JMJD1C: variants seen among roughly 807,000 people sequenced by gnomAD.
JMJD1C encodes jumonji domain containing 1C.
JMJD1C carries 31 observed loss-of-function variants against 245.3 expected under a neutral mutation model. That is an observed-to-expected ratio of 0.13 (90% CI 0.09 to 0.17). The LOEUF is 0.17. Among genes scored for constraint, JMJD1C ranks in the 10% least tolerant of loss-of-function variants. JMJD1C has a pLI of 1.00. For missense variants in JMJD1C, 2,691 were observed against 3,000.2 expected (o/e 0.90, Z 2.41); for synonymous variants, 1,057 against 1,017.4 (o/e 1.04, Z -0.74).
At chr10:63,336,436 C>A (rs768131969) in intron 2 of JMJD1C, among the ~76,000 whole-genome samples, 5 of 151,964 alleles carry the variant, frequency 3.3e-5, no homozygotes, top group East Asian at 1.9e-4. Context: ...CCAGCCTGGG[C>A]GACAGAGCAA....
chr10:63,477,038 C>T (rs1436182546), intron 1 of JMJD1C, among the ~76,000 whole-genome samples: 1 of 152,082 alleles, frequency 6.6e-6, no homozygotes, highest in Non-Finnish European at 1.5e-5. Context: ...TGCTAAGAGA[C>T]ACAAACTGTA....
At chr10:63,496,899 C>G (rs1954381786) in intron 1 of JMJD1C, among the ~76,000 whole-genome samples, 1 of 152,036 alleles carries the variant, frequency 6.6e-6, no homozygotes, top group Non-Finnish European at 1.5e-5. Flanking sequence ...ATAATAAGAA[C>G]AAGATGTCCC....
At chr10:63,312,722 A>G (rs1939392368) in intron 2 of JMJD1C, among the ~76,000 whole-genome samples, 1 of 152,112 alleles carries the variant, frequency 6.6e-6, no homozygotes, top group African/African-American at 2.4e-5. Flanking sequence ...TTTTCTCTCC[A>G]TAGTATGTTT....
intron 1 of JMJD1C, among the ~76,000 whole-genome samples, chr10:63,483,574 T>C (rs1953893204): frequency 6.6e-6 from 1 of 152,196 alleles, no homozygotes; most frequent in African/African-American, 2.4e-5. Flanking sequence ...AAAATTTTTG[T>C]TTATAACAAA....
intron 1 of JMJD1C, among the ~76,000 whole-genome samples, chr10:63,499,264 TC>T (rs761751548): frequency 1.5e-4 from 23 of 152,326 alleles, no homozygotes; most frequent in African/African-American, 2.6e-4. Flanking sequence ...ATATGGTAGT[TC>T]TCTTTTTAAT....
At chr10:63,343,824 G>A (rs1943582528) in intron 2 of JMJD1C, among the ~76,000 whole-genome samples, 1 of 152,166 alleles carries the variant, frequency 6.6e-6, no homozygotes, top group South Asian at 2.1e-4. Context: ...GATCACTGGA[G>A]CTCAGCAGTT....
intron 4 of JMJD1C, among the ~76,000 whole-genome samples, chr10:63,218,453 A>G (rs1848234653): frequency 6.6e-6 from 1 of 152,136 alleles, no homozygotes. Context: ...AGCCATATCC[A>G]TTATATGAAC....
At chr10:63,484,918 A>G (rs1953947179) in intron 1 of JMJD1C, among the ~76,000 whole-genome samples, 1 of 151,900 alleles carries the variant, frequency 6.6e-6, no homozygotes, top group African/African-American at 2.4e-5. Context: ...TAGAGGCTCC[A>G]AAGGACACTA....
At chr10:63,263,456 C>T (rs893500241) in intron 3 of JMJD1C, among the ~76,000 whole-genome samples, 4 of 152,110 alleles carry the variant, frequency 2.6e-5, no homozygotes, top group Admixed American at 6.6e-5. Context: ...AATAGCTCTA[C>T]ATTTTATTTT....
intron 1 of JMJD1C, among the ~76,000 whole-genome samples, chr10:63,507,400 T>G (rs926694768): frequency 4.6e-5 from 7 of 151,992 alleles, no homozygotes; most frequent in Admixed American, 3.3e-4. Context: ...TCCCAGCACT[T>G]TGGGAGGCTG....
chr10:63,416,481 AT>A (rs1254666872), intron 1 of JMJD1C, among the ~76,000 whole-genome samples: 5 of 152,180 alleles, frequency 3.3e-5, no homozygotes, highest in Admixed American at 6.5e-5. Flanking sequence ...TTATAAAAAA[AT>A]AATTTAAACA....
At chr10:63,256,023 G>C (rs1853870051) in intron 3 of JMJD1C, among the ~76,000 whole-genome samples, 1 of 152,130 alleles carries the variant, frequency 6.6e-6, no homozygotes, top group Non-Finnish European at 1.5e-5. Flanking sequence ...ATGGCTTAGA[G>C]TCTACAAGCA....
intron 1 of JMJD1C, among the ~76,000 whole-genome samples, chr10:63,484,582 CAT>C (rs1953934718): frequency 6.6e-6 from 1 of 151,742 alleles, no homozygotes; most frequent in Non-Finnish European, 1.5e-5. Context: ...GAGTTGAAAA[CAT>C]AAGATCTTGA....
chr10:63,475,215 G>C (rs776705411), intron 1 of JMJD1C, among the ~76,000 whole-genome samples: 2 of 152,114 alleles, frequency 1.3e-5, no homozygotes, highest in Non-Finnish European at 2.9e-5. Flanking sequence ...GATTAGGACT[G>C]CATTTATGAA....
intron 3 of JMJD1C, among the ~76,000 whole-genome samples, chr10:63,220,834 C>T (rs369273192): frequency 1.3e-5 from 2 of 151,816 alleles, no homozygotes; most frequent in African/African-American, 2.4e-5. Context: ...CAGGGCCGGG[C>T]GCGGTGGCTC....
intron 24 of JMJD1C, among the ~76,000 whole-genome samples, chr10:63,169,434 A>G (rs1206284195): frequency 1.3e-5 from 2 of 152,206 alleles, no homozygotes; most frequent in Admixed American, 6.6e-5. Context: ...GGAAAGGAGA[A>G]ATAATTGAAA....
At chr10:63,391,782 T>G (rs895222916) in intron 1 of JMJD1C, among the ~76,000 whole-genome samples, 3 of 151,956 alleles carry the variant, frequency 2.0e-5, no homozygotes, top group Non-Finnish European at 4.4e-5. Context: ...TTCACAGAAA[T>G]AGAGAAAACA....
intron 2 of JMJD1C, among the ~76,000 whole-genome samples, chr10:63,347,607 A>C (rs1943965733): frequency 6.7e-6 from 1 of 149,788 alleles, no homozygotes; most frequent in African/African-American, 2.5e-5. Flanking sequence ...AAGAAAGAAA[A>C]GAAAAAGAAA....
At chr10:63,199,656 T>C (rs541916620) in intron 11 of JMJD1C, among the ~76,000 whole-genome samples, 18 of 152,148 alleles carry the variant, frequency 1.2e-4, no homozygotes, top group Admixed American at 2.6e-4. Context: ...TCTTCTGCAC[T>C]TCCATGGGTA....
Sources: gnomAD v4.1 joint callset for allele counts (sites outside exome capture counted in the v4.1 genomes callset) on GRCh38, gnomAD v4.1.1 for gene constraint, MANE v1.5 for transcripts, NCBI Gene and HGNC (gene_info 2026-07-23, HGNC 2026-07-21) for gene names.